SLC39A4: variants seen among roughly 807,000 people sequenced by gnomAD.
The protein encoded by SLC39A4 is zinc transporter ZIP4.
A neutral mutation model predicts 56.6 loss-of-function variants in SLC39A4; 49 were observed. The observed-to-expected ratio is 0.87, with a 90% CI of 0.69 to 1.10. The LOEUF is 1.10. SLC39A4 is among the 50% of genes least tolerant of loss of function. The pLI is 0.00. For missense variants in SLC39A4, 993 were observed against 864.2 expected, an observed-to-expected ratio of 1.15 and a Z score of -1.87; for synonymous variants, 540 against 420.4, an observed-to-expected ratio of 1.28 and a Z score of -3.48.
rs781996962 is a variant in SLC39A4 at position 144,416,032 on chromosome 8, CG to C, written c.251del (p.Pro84ArgfsTer53). 8.9e-6 allele frequency: 14 copies of C among 1,580,186 alleles called. No individual in the cohort carries two copies. Among genetic ancestry groups the C allele is most frequent in the Non-Finnish European group, 4.3e-6 (5 of 1,164,868 alleles). On this transcript the variant is annotated frameshift_variant, in exon 2 of 12. Coordinates refer to ENST00000301305, the MANE Select transcript of SLC39A4 (RefSeq NM_130849.4). LOFTEE classifies it high-confidence loss of function. The stretch of plus-strand genomic sequence containing the variant: ...CGTACCTGGCCTCCAGGACCGGGCC[CG>C]GGGGCAGCCCTGACCCCTCAGGCTC... The part of the protein sequence containing the change: ...LGEPEGSGLP[P>X]GPVLEARYVA...
chr8:144,416,466 C>T, intron 1 of SLC39A4, 132 bp downstream of exon 1: 1 of 1,468,298 alleles, frequency 6.8e-7, no homozygotes, highest in Non-Finnish European at 9.0e-7. Context: ...TGGGGAGGGT[C>T]AGGGTGCCCA....
rs782606354 is a variant in SLC39A4 at position 144,413,307 on chromosome 8, G to C, written c.1557C>G (p.Phe519Leu). Residue 519 changes from phenylalanine (F) to leucine (L), a missense_variant, in exon 10 of 12, where the codon TTC becomes TTG. Coordinates refer to ENST00000301305, the MANE Select transcript of SLC39A4 (RefSeq NM_130849.4). ...FADGLAVGAA[F>L]ASSWKTGLAT... ...CCAGCCCGGTCTTCCAGGAGGACGC[G>C]AAGGCGGCGCCCACGGCCAGCCCGT... 1 of 1,603,530 alleles carries C rather than the reference G, an allele frequency of 6.2e-7. No individual in the cohort carries two copies. The highest frequency in any genetic ancestry group is 1.1e-5 in the South Asian group (1 of 90,206).
chr8:144,413,177 T>C, intron 10 of SLC39A4, 60 bp downstream of exon 10: 1 of 1,436,288 alleles, frequency 7.0e-7, no homozygotes, highest in Non-Finnish European at 9.2e-7. Flanking sequence ...CTGTTCCAGG[T>C]CTCCCCTCCC....
chr8:144,412,933 G>A lies in SLC39A4; in HGVS notation c.1641C>T (p.Ala547=), dbSNP rs905897673. The change falls in exon 11 of 12, where the codon GCC becomes GCT. Residue 547 remains alanine, a synonymous_variant. Coordinates refer to ENST00000301305, the MANE Select transcript of SLC39A4 (RefSeq NM_130849.4). ...ELPHELGDFA[A]LLHAGLSVRQ... ...GCACGGACAGCCCCGCGTGCAGCAAGGCGGCGAAGTCCCCTGCGGGCGAGT... is the reference window on the plus strand; with the variant it reads ...GCACGGACAGCCCCGCGTGCAGCAAAGCGGCGAAGTCCCCTGCGGGCGAGT... The A allele has an allele frequency of 6.2e-7, 1 of 1,602,736 alleles. No homozygotes were observed. Among genetic ancestry groups the A allele is most frequent in the Non-Finnish European group, 8.5e-7 (1 of 1,178,376 alleles).
intron 6 of SLC39A4, 63 bp from the exon 7 acceptor site, chr8:144,414,158 G>T: frequency 6.4e-7 from 1 of 1,562,982 alleles, no homozygotes; most frequent in East Asian, 2.3e-5. Flanking sequence ...AAGACCCAGG[G>T]AGAGGGGTCA....
rs781805679 is a variant in SLC39A4 at position 144,414,856 on chromosome 8, A to G, written c.845T>C (p.Leu282Pro). The G allele has an allele frequency of 2.5e-6, 4 of 1,613,352 alleles. No homozygotes were observed. Among genetic ancestry groups the G allele is most frequent in the Non-Finnish European group, 3.4e-6 (4 of 1,179,966 alleles). ...CGGGGTCACCCCAGCCTGTTCCGAC[A>G]GTCCATATGCAGCCATCACGTCCCT... ...SARDVMAAYG[L>P]SEQAGVTPEA... Residue 282 changes from leucine (L) to proline (P), a missense_variant, in exon 5 of 12, where the codon CTG becomes CCG. By Grantham distance (98) the Leu-to-Pro change is moderately conservative (BLOSUM62 -3). Coordinates refer to ENST00000301305, the MANE Select transcript of SLC39A4 (RefSeq NM_130849.4).
rs1244201563 is a variant in SLC39A4 at position 144,414,454 on chromosome 8, C to T, written c.977-20G>A. ...GATACCCTGGGGGCGGGTGAGGCGG[C>T]TGTGAGAGCTTTTCTTCCAGACTCA... On this transcript the variant is annotated intron_variant, in intron 5 of 11. Transcript: ENST00000301305. The T allele has an allele frequency of 6.5e-7, 1 of 1,550,012 alleles. No homozygotes were observed. The highest frequency in any genetic ancestry group is 8.7e-7 in the Non-Finnish European group (1 of 1,147,298).
In SLC39A4 at chr8:144,414,876, G is replaced by T; in HGVS notation, c.825C>A (p.Asp275Glu). Residue 275 changes from aspartate (D) to glutamate (E), a missense_variant, in exon 5 of 12, where the codon GAC becomes GAA. Asp to Glu is a conservative substitution (Grantham distance 45). Coordinates refer to ENST00000301305, the MANE Select transcript of SLC39A4 (RefSeq NM_130849.4). ...VWDTVCLSAR[D>E]VMAAYGLSEQ... is the part of the protein sequence containing the mutation. ...CCGACAGTCCATATGCAGCCATCAC[G>T]TCCCTGGCACTCAGGCATACCTGGG... 1 of 1,613,312 alleles carries T rather than the reference G, an allele frequency of 6.2e-7. No individual in the cohort carries two copies. Among genetic ancestry groups the T allele is most frequent in the East Asian group, 2.2e-5 (1 of 44,874 alleles).
Position 144,413,334 on chromosome 8 carries a change from G to T in SLC39A4, c.1530C>A (p.Ala510=). ...ITLGDAVHNF[A]DGLAVGAAFA... Reference sequence around the variant, plus strand: ...AGGCGGCGCCCACGGCCAGCCCGTCGGCGAAGTTGTGCACGGCGTCGCCCA... The same window carrying T: ...AGGCGGCGCCCACGGCCAGCCCGTCTGCGAAGTTGTGCACGGCGTCGCCCA... The change falls in exon 10 of 12, where the codon GCC becomes GCA. Residue 510 remains alanine (A), a synonymous_variant. Coordinates refer to ENST00000301305, the MANE Select transcript of SLC39A4 (RefSeq NM_130849.4). 1 of 1,606,228 alleles carries T rather than the reference G, an allele frequency of 6.2e-7. No individual in the cohort carries two copies. Among genetic ancestry groups the T allele is most frequent in the Non-Finnish European group, 8.5e-7 (1 of 1,179,286 alleles).
chr8:144,415,224 C>T lies in SLC39A4; in HGVS notation c.667+3G>A. 1.2e-6 allele frequency: 2 copies of T among 1,612,934 alleles called. No homozygotes were observed. Among genetic ancestry groups the T allele is most frequent in the Non-Finnish European group, 1.7e-6 (2 of 1,179,832 alleles). On this transcript the variant is annotated splice_donor_region_variant and intron_variant, in intron 3 of 11. Transcript: ENST00000301305. ...CCCCTCCACAGCCCAGCCCAGGCCT[C>T]ACCGGCCAGCGTCATAGGGACCTCG...
Position 144,414,271 on chromosome 8 carries a change from C to A in SLC39A4, c.1140G>T (p.Leu380=). Reference sequence around the variant, plus strand: ...GTTTGTGGGGGCAGACCTTGGGCGTCAGATGCAGGACAGCGTCCCCAGTGA... The same window carrying A: ...GTTTGTGGGGGCAGACCTTGGGCGTAAGATGCAGGACAGCGTCCCCAGTGA... ...GAVTGDAVLH[L]TPKVLGLHTH... is the part of the protein sequence containing the mutation. The change falls in exon 6 of 12, where the codon CTG becomes CTT. Residue 380 remains leucine, a synonymous_variant. Coordinates refer to ENST00000301305, the MANE Select transcript of SLC39A4 (RefSeq NM_130849.4). 6.2e-7 allele frequency: 1 copy of A among 1,608,896 alleles called. No individual in the cohort carries two copies.
At chr8:144,414,703 C>T (rs782031616) in intron 5 of SLC39A4, 22 bp downstream of exon 5, 1 of 1,611,430 alleles carries the variant, frequency 6.2e-7, no homozygotes, top group Non-Finnish European at 8.5e-7. Flanking sequence ...GCTGCCAGCA[C>T]AATGTCGGCG....
At chr8:144,415,707 C>T in intron 2 of SLC39A4, 103 bp downstream of exon 2, 1 of 1,429,626 alleles carries the variant, frequency 7.0e-7, no homozygotes, top group Non-Finnish European at 9.2e-7. Flanking sequence ...TGGGCGTCTC[C>T]CCAGGCCCCC....
At chr8:144,413,093 G>A (rs1821960285) in intron 10 of SLC39A4, 144 bp downstream of exon 10, 1 of 1,318,522 alleles carries the variant, frequency 7.6e-7, no homozygotes, top group Admixed American at 2.3e-5. Context: ...TCACCTTCCA[G>A]GCCCCGCCCC....
At chr8:144,413,615 C>T (rs1554872496) in intron 8 of SLC39A4, 48 bp from the exon 9 acceptor site, 5 of 1,547,892 alleles carry the variant, frequency 3.2e-6, no homozygotes, top group Non-Finnish European at 4.4e-6. Context: ...AGGAGGAACG[C>T]GGTGGGGCGG....
At position 144,412,584 on chromosome 8, in the gene SLC39A4, G is replaced by A. The variant is rs782382661; in HGVS notation, c.1898C>T (p.Thr633Ile). Residue 633 changes from threonine (T) to isoleucine (I), a missense_variant, in exon 12 of 12, where the codon ACC becomes ATC. Coordinates refer to ENST00000301305, the MANE Select transcript of SLC39A4 (RefSeq NM_130849.4). ...LHNVGLLGGW[T>I]VLLLLSLYED... is the part of the protein sequence containing the mutation. ...GTACAGGGACAGCAGCAGCAGGACG[G>A]TCCAGCCGCCCAGCAGGCCCACGTT... 14 of 1,614,184 alleles carry A rather than the reference G, an allele frequency of 8.7e-6. No individual in the cohort carries two copies. The highest frequency in any genetic ancestry group is 2.2e-5 in the East Asian group (1 of 44,880).
Position 144,413,575 on chromosome 8 carries a change from G to A in SLC39A4, c.1420-8C>T, listed in dbSNP as rs1331403438. 1.9e-6 allele frequency: 3 copies of A among 1,551,516 alleles called. No homozygotes were observed. The highest frequency in any genetic ancestry group is 4.9e-5 in the East Asian group (2 of 41,060). On this transcript the variant is annotated splice_region_variant and splice_polypyrimidine_tract_variant and intron_variant, in intron 8 of 11. Transcript: ENST00000301305. ...CGGGCTCTCCTCCGCCACCTGGGAGGAGCCTTGAGTAAGTCCCGCCCGGAA... is the reference window on the plus strand; with the variant it reads ...CGGGCTCTCCTCCGCCACCTGGGAGAAGCCTTGAGTAAGTCCCGCCCGGAA...
Position 144,415,405 on chromosome 8 carries a change from G to C in SLC39A4, c.489C>G (p.Ile163Met), listed in dbSNP as rs373764531. The C allele has an allele frequency of 1.1e-5, 17 of 1,604,742 alleles. No individual in the cohort carries two copies. Among genetic ancestry groups the C allele is most frequent in the East Asian group, 9.0e-5 (4 of 44,570 alleles). ...GQTPKMACVD[I>M]PQLLEEAVGA... ...CCACCGCCTCCTCCAGCAGCTGAGG[G>C]ATATCTACGCAGGCCTGGGGAAGAG... The change falls in exon 3 of 12, where the codon ATC (isoleucine) becomes ATG (methionine). Residue 163 changes from isoleucine to methionine, a missense_variant. Physicochemically the swap from Ile to Met is conservative, Grantham distance 10. Coordinates refer to ENST00000301305, the MANE Select transcript of SLC39A4 (RefSeq NM_130849.4).
Position 144,414,349 on chromosome 8 carries a change from C to G in SLC39A4, c.1062G>C (p.Arg354Ser). ...TCTGCAGGATGTAGTGGGTGACCCCCCTGCAGCCAGTGCAGGTCAGCAGCA... is the reference window on the plus strand; with the variant it reads ...TCTGCAGGATGTAGTGGGTGACCCCGCTGCAGCCAGTGCAGGTCAGCAGCA... ...GLLLLTCTGC[R>S]GVTHYILQTF... The change falls in exon 6 of 12, where the codon AGG (arginine) becomes AGC (serine). Residue 354 changes from arginine to serine, a missense_variant. Physicochemically the swap from Arg to Ser is moderately radical, Grantham distance 110. Coordinates refer to ENST00000301305, the MANE Select transcript of SLC39A4 (RefSeq NM_130849.4). The G allele has an allele frequency of 1.3e-6, 2 of 1,592,340 alleles. No individual in the cohort carries two copies. The highest frequency in any genetic ancestry group is 1.7e-6 in the Non-Finnish European group (2 of 1,171,196).
Sources: allele counts gnomAD v4.1 joint callset, GRCh38; gene constraint gnomAD v4.1.1; transcripts MANE v1.5; gene names NCBI Gene and HGNC (gene_info 2026-07-23, HGNC 2026-07-21).